The following ZNF804A variants were observed in gnomAD, a reference collection of about 807,000 sequenced individuals.
The protein encoded by ZNF804A is zinc finger protein 804A.
ZNF804A carries 2 observed loss-of-function variants against 16.5 expected under a neutral mutation model. The ratio of observed to expected loss-of-function variants is 0.12; its 90% confidence interval spans 0.05 to 0.38. The LOEUF is 0.38. ZNF804A is among the 10% of genes least tolerant of loss of function. The probability of loss-of-function intolerance (pLI) is 0.99; values close to 1 mark genes in which losing one functional copy is unlikely to be tolerated. For missense variants in ZNF804A, 1,473 were observed against 1,390.7 expected (o/e 1.06, Z -0.94); for synonymous variants, 534 against 489.6 (o/e 1.09, Z -1.20).
chr2:184,829,078 G>A (rs1695218710), intron 1 of ZNF804A, among the ~76,000 whole-genome samples: 1 of 151,416 alleles, frequency 6.6e-6, no homozygotes, highest in Non-Finnish European at 1.5e-5. Flanking sequence ...AAATATAAAT[G>A]CATTTACTAT....
At chr2:184,879,872 T>C (rs1684781549) in intron 2 of ZNF804A, among the ~76,000 whole-genome samples, 1 of 152,080 alleles carries the variant, frequency 6.6e-6, no homozygotes, top group African/African-American at 2.4e-5. Context: ...CTATTCACTA[T>C]GTATTGTAAC....
intron 1 of ZNF804A, among the ~76,000 whole-genome samples, chr2:184,710,370 T>C (rs1285109252): frequency 6.6e-6 from 1 of 151,678 alleles, no homozygotes; most frequent in African/African-American, 2.4e-5. Context: ...ACTGTTGAAT[T>C]GTTTGCTTCT....
rs548670978 is a variant in ZNF804A at position 184,709,541 on chromosome 2, A to T, written c.111+110471A>T. ...CTGACTATAAGGAATACTTTTGTAT[A>T]TTTGAAATATTTAAAAGTGGTACAG... On this transcript the variant is annotated intron_variant, in intron 1 of 3. Transcript: ENST00000302277. 4.6e-5 allele frequency among the ~76,000 whole-genome samples: 7 copies of T among 151,942 alleles called. No individual in the cohort carries two copies. The East Asian group carries it at 1.4e-3, about 29-fold the overall frequency.
chr2:184,821,186 A>G (rs1695074725), intron 1 of ZNF804A, among the ~76,000 whole-genome samples: 1 of 152,072 alleles, frequency 6.6e-6, no homozygotes, highest in South Asian at 2.1e-4. Context: ...TGCAGTAACC[A>G]AACAGCATGG....
chr2:184,918,747 A>C (rs1685489451), intron 2 of ZNF804A, among the ~76,000 whole-genome samples: 1 of 152,170 alleles, frequency 6.6e-6, no homozygotes, highest in African/African-American at 2.4e-5. Context: ...ATGTAAAAAG[A>C]CTTTACTATA....
intron 1 of ZNF804A, among the ~76,000 whole-genome samples, chr2:184,649,164 C>T (rs1200687225): frequency 1.3e-5 from 2 of 152,012 alleles, no homozygotes; most frequent in African/African-American, 4.8e-5. Flanking sequence ...AATTCGACAA[C>T]TTGATTGTAA....
At chr2:184,855,676 G>T (rs777548901) in intron 1 of ZNF804A, among the ~76,000 whole-genome samples, 1 of 151,656 alleles carries the variant, frequency 6.6e-6, no homozygotes, top group Admixed American at 6.6e-5. Context: ...TAACAGCAGC[G>T]AATGAATATG....
At chr2:184,778,047 G>T (rs1034051755) in intron 1 of ZNF804A, among the ~76,000 whole-genome samples, 2 of 151,572 alleles carry the variant, frequency 1.3e-5, no homozygotes, top group African/African-American at 4.8e-5. Flanking sequence ...TTCCCCTGCA[G>T]TTTAGAAGAT....
At chr2:184,897,438 A>C in intron 2 of ZNF804A, among the ~76,000 whole-genome samples, 1 of 142,096 alleles carries the variant, frequency 7.0e-6, no homozygotes, top group African/African-American at 2.7e-5. Flanking sequence ...TCCCCTTTCC[A>C]TACAGCAATT....
At chr2:184,855,817 A>G (rs1171767882) in intron 1 of ZNF804A, among the ~76,000 whole-genome samples, 1 of 152,042 alleles carries the variant, frequency 6.6e-6, no homozygotes, top group Non-Finnish European at 1.5e-5. Context: ...TCATGTGAAT[A>G]TGTTCATTAA....
At chr2:184,668,402 A>C (rs1430276768) in intron 1 of ZNF804A, among the ~76,000 whole-genome samples, 5 of 151,960 alleles carry the variant, frequency 3.3e-5, no homozygotes, top group Admixed American at 3.3e-4. Context: ...AAAATATAAT[A>C]ACCTGCTAAT....
intron 2 of ZNF804A, among the ~76,000 whole-genome samples, chr2:184,907,328 G>GT (rs1685291917): frequency 6.6e-6 from 1 of 152,000 alleles, no homozygotes; most frequent in Non-Finnish European, 1.5e-5. Context: ...TTTCTGACTT[G>GT]GAAATTACCT....
In ZNF804A at chr2:184,632,198, A is replaced by G. The variant is rs556930234; in HGVS notation, c.111+33128A>G. Among the ~76,000 whole-genome samples, 11 of 152,160 alleles carry G rather than the reference A, an allele frequency of 7.2e-5. No homozygotes were observed. The South Asian group carries it at 8.3e-4, about 11-fold the overall frequency. On this transcript the variant is annotated intron_variant, in intron 1 of 3. Coordinates refer to ENST00000302277, the MANE Select transcript of ZNF804A (RefSeq NM_194250.2). The stretch of plus-strand genomic sequence containing the variant: ...TGTCTTTCAAAAATTCTTAATATTC[A>G]TACACTTTAACTCAGTAATTTTATT...
intron 1 of ZNF804A, among the ~76,000 whole-genome samples, chr2:184,831,297 C>T (rs748195370): frequency 2.7e-4 from 41 of 151,196 alleles, no homozygotes; most frequent in Non-Finnish European, 5.3e-4. Flanking sequence ...TGCATTTTTT[C>T]CTTTACTCTG....
intron 1 of ZNF804A, among the ~76,000 whole-genome samples, chr2:184,837,087 A>T (rs1695362080): frequency 6.6e-6 from 1 of 151,722 alleles, no homozygotes; most frequent in African/African-American, 2.4e-5. Context: ...GCCTTCCTTG[A>T]CCCTCCTGTG....
intron 2 of ZNF804A, among the ~76,000 whole-genome samples, chr2:184,894,230 A>G (rs1407111221): frequency 6.6e-6 from 1 of 152,140 alleles, no homozygotes; most frequent in Non-Finnish European, 1.5e-5. Context: ...ATTAAGCTTT[A>G]CTCGGTGAAG....
At chr2:184,604,588 A>G (rs1203879536) in intron 1 of ZNF804A, among the ~76,000 whole-genome samples, 1 of 152,174 alleles carries the variant, frequency 6.6e-6, no homozygotes, top group Non-Finnish European at 1.5e-5. Context: ...TTTAATGTGC[A>G]CAGTGTTTTA....
At chr2:184,623,746 A>G (rs995394761) in intron 1 of ZNF804A, among the ~76,000 whole-genome samples, 2 of 152,266 alleles carry the variant, frequency 1.3e-5, no homozygotes, top group South Asian at 2.1e-4. Flanking sequence ...GAGCCACATT[A>G]ACAAACACAC....
intron 2 of ZNF804A, among the ~76,000 whole-genome samples, chr2:184,919,308 T>G (rs1685496386): frequency 6.6e-6 from 1 of 152,288 alleles, no homozygotes; most frequent in South Asian, 2.1e-4. Context: ...CAGGGAATAG[T>G]GCTGTATCAG....
Sources: allele counts gnomAD v4.1 joint callset (sites outside exome capture counted in the v4.1 genomes callset), GRCh38; gene constraint gnomAD v4.1.1; transcripts MANE v1.5; gene names NCBI Gene and HGNC (gene_info 2026-07-23, HGNC 2026-07-21).